The following L3MBTL3 variants were observed in gnomAD, a reference collection of about 807,000 sequenced individuals.
The protein encoded by L3MBTL3 is L3MBTL histone methyl-lysine binding protein 3.
L3MBTL3 carries 27 observed loss-of-function variants against 102.3 expected under a neutral mutation model. The ratio of observed to expected loss-of-function variants is 0.26; its 90% CI spans 0.19 to 0.36. The LOEUF (loss-of-function observed/expected upper bound fraction) is 0.36, where lower values mean the gene tolerates loss of function less well. L3MBTL3 is among the 10% of genes least tolerant of loss of function. L3MBTL3 has a pLI of 1.00. For missense variants in L3MBTL3, 798 were observed against 955.3 expected (o/e 0.84, Z 2.17); for synonymous variants, 340 against 320.9 (o/e 1.06, Z -0.64).
intron 3 of L3MBTL3, among the ~76,000 whole-genome samples, chr6:130,044,164 A>G (rs1006861478): frequency 6.6e-6 from 1 of 152,202 alleles, no homozygotes; most frequent in Non-Finnish European, 1.5e-5. Flanking sequence ...ATAGCTACCC[A>G]AGCTTTGTCA....
At chr6:130,125,962 T>G (rs751796886) in intron 20 of L3MBTL3, among the ~76,000 whole-genome samples, 12 of 143,296 alleles carry the variant, frequency 8.4e-5, no homozygotes, top group Non-Finnish European at 1.5e-4. Context: ...CCATTTCTTC[T>G]GTTAATTGTG....
At chr6:130,060,175 A>AGG in intron 10 of L3MBTL3, 35 bp downstream of exon 10, 1 of 1,307,078 alleles carries the variant, frequency 7.7e-7, no homozygotes, top group Non-Finnish European at 1.1e-6. Flanking sequence ...TTTAAAATAA[A>AGG]ATGGTGATTA....
At chr6:130,061,298 T>A (rs898496342) in intron 10 of L3MBTL3, among the ~76,000 whole-genome samples, 1 of 152,156 alleles carries the variant, frequency 6.6e-6, no homozygotes, top group Non-Finnish European at 1.5e-5. Context: ...TTGGCCAGGC[T>A]GGTCTCGAAC....
At chr6:130,031,601 G>A (rs1446576999) in intron 2 of L3MBTL3, among the ~76,000 whole-genome samples, 1 of 152,186 alleles carries the variant, frequency 6.6e-6, no homozygotes, top group Non-Finnish European at 1.5e-5. Flanking sequence ...AGCAGACTTT[G>A]TGGAATGTTG....
chr6:130,058,110 T>G (rs1410645272), intron 9 of L3MBTL3, among the ~76,000 whole-genome samples: 1 of 124,928 alleles, frequency 8.0e-6, no homozygotes, highest in African/African-American at 3.3e-5. Context: ...GCCATTGCAG[T>G]CCGCAGTCCG....
intron 1 of L3MBTL3, among the ~76,000 whole-genome samples, chr6:130,021,329 C>G (rs1259725002): frequency 6.6e-6 from 1 of 152,164 alleles, no homozygotes; most frequent in Non-Finnish European, 1.5e-5. Flanking sequence ...AGGACCTGAG[C>G]GAGCAGCCAG....
chr6:130,133,736 T>C lies in L3MBTL3; in HGVS notation c.2137-107T>C. On this transcript the variant is annotated intron_variant, in intron 21 of 22. Coordinates refer to ENST00000361794, the MANE Select transcript of L3MBTL3 (RefSeq NM_032438.4). This position sits in a 1 kb window ranked among gnomAD's most constrained non-coding sequence, Gnocchi z 4.9. ...TTTTTTTTTCTGAAAGAGAAGAAATTATTGTGAGAGAAATAACTAATGCAT... is the reference window on the plus strand; with the variant it reads ...TTTTTTTTTCTGAAAGAGAAGAAATCATTGTGAGAGAAATAACTAATGCAT... 3 of 1,473,874 alleles carry C rather than the reference T, an allele frequency of 2.0e-6. No homozygotes were observed. The highest frequency in any genetic ancestry group is 2.4e-5 in the South Asian group (2 of 84,206). The allele number at this position is 1,473,874 out of a possible 1,614,324, so 91.3% of individuals were successfully genotyped here. A position where few individuals can be genotyped will look rare whatever the true frequency, so the allele number is the denominator to read the frequency against.
intron 2 of L3MBTL3, among the ~76,000 whole-genome samples, chr6:130,024,346 G>T (rs981087506): frequency 2.6e-5 from 4 of 152,002 alleles, no homozygotes; most frequent in African/African-American, 7.3e-5. Context: ...TATTATTTTT[G>T]ATTTGATGCT....
At chr6:130,065,551 C>G (rs1782192001) in intron 10 of L3MBTL3, among the ~76,000 whole-genome samples, 1 of 152,206 alleles carries the variant, frequency 6.6e-6, no homozygotes, top group Non-Finnish European at 1.5e-5. Flanking sequence ...TGGCTCTGCA[C>G]TCTGGTCTAA....
chr6:130,023,901 G>GTA, intron 2 of L3MBTL3, among the ~76,000 whole-genome samples: 1 of 152,134 alleles, frequency 6.6e-6, no homozygotes, highest in African/African-American at 2.4e-5. Flanking sequence ...AGTTTCCCTT[G>GTA]TATACTATTG....
In L3MBTL3 at chr6:130,133,783, T is replaced by C. The variant is rs1024187987; in HGVS notation, c.2137-60T>C. ...GCATATGGGTTAAATGTTTTGAACC[T>C]GTAGCATTTAGATTCTGACTGTGTT... On this transcript the variant is annotated intron_variant, in intron 21 of 22. Coordinates refer to ENST00000361794, the MANE Select transcript of L3MBTL3 (RefSeq NM_032438.4). This position sits in a 1 kb window ranked among gnomAD's most constrained non-coding sequence, Gnocchi z 4.9. The C allele has an allele frequency of 6.6e-7, 1 of 1,504,588 alleles. No individual in the cohort carries two copies. The highest frequency in any genetic ancestry group is 9.2e-7 in the Non-Finnish European group (1 of 1,081,486). The allele number at this position is 1,504,588 out of a possible 1,614,324, so 93.2% of individuals were successfully genotyped here.
chr6:130,030,664 CT>C (rs1315683444), intron 2 of L3MBTL3, among the ~76,000 whole-genome samples: 3 of 84,666 alleles, frequency 3.5e-5, no homozygotes, highest in Non-Finnish European at 6.1e-5. Flanking sequence ...AAGACTCTAC[CT>C]AAAAAAAAAA....
intron 9 of L3MBTL3, among the ~76,000 whole-genome samples, chr6:130,058,930 G>A (rs1234462237): frequency 6.6e-6 from 1 of 152,150 alleles, no homozygotes; most frequent in Non-Finnish European, 1.5e-5. Flanking sequence ...TTTAAAAAGT[G>A]ATGAATAGTA....
chr6:130,057,376 T>G (rs1781573781), intron 8 of L3MBTL3, 30 bp from the exon 9 acceptor site: 3 of 1,555,716 alleles, frequency 1.9e-6, no homozygotes, highest in African/African-American at 1.3e-5. Flanking sequence ...ATTTGGAAAT[T>G]CTGTCATTTC....
chr6:130,133,642 T>C lies in L3MBTL3; in HGVS notation c.2136+21T>C, dbSNP rs776193712. On this transcript the variant is annotated intron_variant, in intron 21 of 22. Coordinates refer to ENST00000361794, the MANE Select transcript of L3MBTL3 (RefSeq NM_032438.4). This position sits in a 1 kb window ranked among gnomAD's most constrained non-coding sequence, Gnocchi z 4.9. The stretch of plus-strand genomic sequence containing the variant: ...ACGAGGTATATTTTATTTTCTTTGC[T>C]GCCCGACACCAGATACAGGATTACT... 5.0e-6 allele frequency: 8 copies of C among 1,610,814 alleles called. No individual in the cohort carries two copies. The highest frequency in any genetic ancestry group is 6.8e-6 in the Non-Finnish European group (8 of 1,179,510).
chr6:130,065,802 T>C (rs1782208502), intron 10 of L3MBTL3, among the ~76,000 whole-genome samples: 1 of 152,224 alleles, frequency 6.6e-6, no homozygotes, highest in African/African-American at 2.4e-5. Context: ...GCATGTGTTA[T>C]ACAGAGTACA....
intron 3 of L3MBTL3, 26 bp downstream of exon 3, chr6:130,042,827 T>A: frequency 1.4e-6 from 2 of 1,386,730 alleles, no homozygotes; most frequent in Non-Finnish European, 1.0e-6. Flanking sequence ...TACATACAAT[T>A]ATGTGTGTGT....
intron 2 of L3MBTL3, among the ~76,000 whole-genome samples, chr6:130,041,155 A>C (rs532242285): frequency 6.6e-5 from 10 of 152,336 alleles, no homozygotes; most frequent in African/African-American, 2.4e-4. Flanking sequence ...AATTTCTGGT[A>C]ATCTGGATTT....
In L3MBTL3 at chr6:130,140,383, A is replaced by G. The variant is rs1317891189; in HGVS notation, c.*630A>G. The G allele has an allele frequency of 6.5e-6, 1 of 152,678 alleles. No homozygotes were observed. Among genetic ancestry groups the G allele is most frequent in the African/African-American group, 2.4e-5 (1 of 41,464 alleles). 9.5% of individuals were successfully genotyped at this position (152,678 alleles called of 1,614,324 possible). ...CAGTATTTTTCCTTTTGCACGCATT[A>G]TGAAATGTTAAACAAATTACTTTTC... On this transcript the variant is annotated 3_prime_UTR_variant, in exon 23 of 23. Coordinates refer to ENST00000361794, the MANE Select transcript of L3MBTL3 (RefSeq NM_032438.4).
Sources: allele counts gnomAD v4.1 joint callset (sites outside exome capture counted in the v4.1 genomes callset), GRCh38; gene constraint gnomAD v4.1.1; non-coding constraint Gnocchi (gnomAD v3.1); transcripts MANE v1.5; gene names NCBI Gene and HGNC (gene_info 2026-07-23, HGNC 2026-07-21).